Variants in IGF1R observed in about 807,000 individuals in gnomAD.
IGF1R encodes insulin like growth factor 1 receptor.
IGF1R carries 44 observed loss-of-function variants against 144.6 expected under a neutral mutation model. The ratio of observed to expected loss-of-function variants is 0.30; its 90% confidence interval spans 0.24 to 0.39. IGF1R has a LOEUF of 0.39. Ranked by LOEUF, IGF1R falls within the 10% of genes least tolerant of loss-of-function variation. IGF1R has a pLI of 1.00. For synonymous variants in IGF1R, 795 were observed against 722.8 expected, an observed-to-expected ratio of 1.10 and a Z score of -1.60; for missense variants, 1,355 against 1,833.7, an observed-to-expected ratio of 0.74 and a Z score of 4.77.
intron 17 of IGF1R, among the ~76,000 whole-genome samples, chr15:98,937,530 AG>A (rs759540693): frequency 6.6e-6 from 1 of 152,178 alleles, no homozygotes; most frequent in Non-Finnish European, 1.5e-5. Context: ...TTTTCTTTCT[AG>A]CTCATGTCAA....
At chr15:98,774,772 C>T (rs1030222668) in intron 2 of IGF1R, among the ~76,000 whole-genome samples, 1 of 152,002 alleles carries the variant, frequency 6.6e-6, no homozygotes, top group Non-Finnish European at 1.5e-5. Context: ...AGGTGGCTGG[C>T]GGTGATGTTG....
At chr15:98,667,632 C>T (rs1475415386) in intron 1 of IGF1R, among the ~76,000 whole-genome samples, 2 of 152,044 alleles carry the variant, frequency 1.3e-5, no homozygotes, top group Non-Finnish European at 2.9e-5. Context: ...AGGGCTCAGG[C>T]CTGGACCTGC....
chr15:98,792,137 C>G (rs2056141986), intron 2 of IGF1R, among the ~76,000 whole-genome samples: 1 of 152,184 alleles, frequency 6.6e-6, no homozygotes, highest in Admixed American at 6.5e-5. Context: ...TTTCCTAACA[C>G]TTAGGTTTCA....
chr15:98,679,250 C>A (rs973472514), intron 1 of IGF1R, among the ~76,000 whole-genome samples: 2 of 152,172 alleles, frequency 1.3e-5, no homozygotes, highest in African/African-American at 4.8e-5. Flanking sequence ...TAATTTCCAG[C>A]AAGTCAATTA....
chr15:98,748,314 A>G (rs1489832118), intron 2 of IGF1R, among the ~76,000 whole-genome samples: 1 of 152,012 alleles, frequency 6.6e-6, no homozygotes, highest in Non-Finnish European at 1.5e-5. Flanking sequence ...CTACAGGCAT[A>G]AGCCACCTTG....
chr15:98,910,394 C>T, intron 6 of IGF1R, among the ~76,000 whole-genome samples: 1 of 152,344 alleles, frequency 6.6e-6, no homozygotes, highest in East Asian at 1.9e-4. Context: ...AATAACACTT[C>T]AGCAGGAACT....
intron 19 of IGF1R, among the ~76,000 whole-genome samples, chr15:98,944,637 A>C (rs2016485212): frequency 6.6e-6 from 1 of 152,248 alleles, no homozygotes. Flanking sequence ...AAAATCTAGA[A>C]AGAAACACTA....
chr15:98,649,821 C>T, intron 1 of IGF1R, 146 bp downstream of exon 1: 1 of 607,018 alleles, frequency 1.6e-6, no homozygotes, highest in Non-Finnish European at 2.8e-6. Flanking sequence ...GGCGGCTCTG[C>T]CGGGAGGGAG....
intron 1 of IGF1R, among the ~76,000 whole-genome samples, chr15:98,663,628 G>A (rs544712325): frequency 2.6e-5 from 4 of 152,204 alleles, no homozygotes; most frequent in Non-Finnish European, 5.9e-5. Flanking sequence ...ACTGCTTTCT[G>A]ATTTTTAGAG....
chr15:98,709,668 G>C (rs1818917835), intron 2 of IGF1R, among the ~76,000 whole-genome samples: 1 of 152,234 alleles, frequency 6.6e-6, no homozygotes, highest in South Asian at 2.1e-4. Flanking sequence ...GTTGAATGTG[G>C]TGATGAGGGC....
chr15:98,656,657 T>G (rs956546625), intron 1 of IGF1R, among the ~76,000 whole-genome samples: 3 of 152,242 alleles, frequency 2.0e-5, no homozygotes, highest in African/African-American at 7.2e-5. Context: ...GTAGTCTTGC[T>G]AATCCAGAAA....
chr15:98,887,908 CTT>C (rs2013719343), intron 2 of IGF1R, among the ~76,000 whole-genome samples: 1 of 152,224 alleles, frequency 6.6e-6, no homozygotes, highest in South Asian at 2.1e-4. Flanking sequence ...TTGCCTAAAA[CTT>C]TCCATGGTTT....
chr15:98,661,956 CTTTTTTTTT>C (rs869208651), intron 1 of IGF1R, among the ~76,000 whole-genome samples: 7 of 105,718 alleles, frequency 6.6e-5, no homozygotes, highest in African/African-American at 2.2e-4. Flanking sequence ...GAATAGGGCC[CTTTTTTTTT>C]TTTTTTTTTT....
chr15:98,909,795 A>G (rs910650488), intron 6 of IGF1R, among the ~76,000 whole-genome samples: 27 of 152,220 alleles, frequency 1.8e-4, no homozygotes, highest in African/African-American at 6.0e-4. Context: ...AATTGAGAAC[A>G]ATATAATTAC....
intron 2 of IGF1R, among the ~76,000 whole-genome samples, chr15:98,799,146 T>C (rs1006519927): frequency 1.3e-5 from 2 of 152,154 alleles, no homozygotes; most frequent in East Asian, 3.8e-4. Flanking sequence ...CCAGAGAATA[T>C]TGAGGTATTA....
intron 5 of IGF1R, among the ~76,000 whole-genome samples, chr15:98,908,158 T>C (rs74034286): frequency 0.012 from 1,879 of 152,264 alleles, 54 homozygotes; most frequent in African/African-American, 0.043. Flanking sequence ...GAAAGATGAA[T>C]GGGGGAGGGA....
At chr15:98,791,856 G>A (rs1347567400) in intron 2 of IGF1R, among the ~76,000 whole-genome samples, 2 of 152,200 alleles carry the variant, frequency 1.3e-5, no homozygotes, top group Non-Finnish European at 2.9e-5. Context: ...CAGACTGAGA[G>A]TTTCAGTGGT....
intron 2 of IGF1R, among the ~76,000 whole-genome samples, chr15:98,824,590 C>A (rs748582510): frequency 8.5e-5 from 13 of 152,230 alleles, no homozygotes; most frequent in Non-Finnish European, 1.9e-4. Context: ...TTTCCAGAGG[C>A]ATGGGCCATT....
rs1458727487 is a variant in IGF1R at position 98,956,163 on chromosome 15, G to A, written c.3723-898G>A. On this transcript the variant is annotated intron_variant, in intron 20 of 20. Transcript: ENST00000650285. ...CCACGTGTGGCCGGCTGTTTTCTTG[G>A]GGAGCCCCGGCCACAGCCGGCAGGA... 2.0e-5 allele frequency among the ~76,000 whole-genome samples: 3 copies of A among 152,248 alleles called. No homozygotes were observed. The South Asian group carries it at 6.2e-4, about 32-fold the overall frequency.
Sources: gnomAD v4.1 joint callset for allele counts (sites outside exome capture counted in the v4.1 genomes callset) on GRCh38, gnomAD v4.1.1 for gene constraint, MANE v1.5 for transcripts, NCBI Gene and HGNC (gene_info 2026-07-23, HGNC 2026-07-21) for gene names.